TMC4: variants seen among roughly 807,000 people sequenced by gnomAD.
The protein encoded by TMC4 is transmembrane channel like 4, also known as voltage-gated chloride channel TMC4.
TMC4 carries 70 observed loss-of-function variants against 82.0 expected under a neutral mutation model. The ratio of observed to expected loss-of-function variants is 0.85; its 90% CI spans 0.70 to 1.04. The LOEUF (loss-of-function observed/expected upper bound fraction) is 1.04. TMC4 is among the 50% of genes least tolerant of loss of function. The pLI, the probability that TMC4 is intolerant of heterozygous loss-of-function variation, is 0.00. For synonymous variants in TMC4, 446 were observed against 406.0 expected, an observed-to-expected ratio of 1.10 and a Z score of -1.18; for missense variants, 879 against 899.0, an observed-to-expected ratio of 0.98 and a Z score of 0.28.
chr19:54,163,247 C>G, intron 8 of TMC4, 88 bp from the exon 9 acceptor site: 12 of 1,517,536 alleles, frequency 7.9e-6, no homozygotes, highest in Non-Finnish European at 1.1e-5. Flanking sequence ...CGCATTCAAC[C>G]CATCTCACAG....
rs1267043182 is a variant in TMC4, at chr19:54,168,307, C to CA, written c.676-16_676-15insT. On this transcript the variant is annotated splice_polypyrimidine_tract_variant and intron_variant, in intron 4 of 14. Coordinates refer to ENST00000619895, the MANE Select transcript of TMC4 (RefSeq NM_144686.4). ...TCCAGGTAACCCTGTGGGGGGAAGG[C>CA]GGCGCAGGGGCCACTGTGGGAGGAG... The CA allele has an allele frequency of 6.5e-7, 1 of 1,548,990 alleles. No individual in the cohort carries two copies. The highest frequency in any genetic ancestry group is 2.4e-5 in the East Asian group (1 of 40,874).
intron 3 of TMC4, among the ~76,000 whole-genome samples, chr19:54,169,103 G>A (rs926881989): frequency 7.3e-6 from 1 of 136,710 alleles, no homozygotes; most frequent in Non-Finnish European, 1.5e-5. Flanking sequence ...GCGCGATCTC[G>A]GCTCACTGCA....
rs1350222685 is a variant in TMC4 at position 54,173,132 on chromosome 19, C to A, written c.-15G>T. 3.1e-6 allele frequency: 5 copies of A among 1,613,186 alleles called. No individual in the cohort carries two copies. The highest frequency in any genetic ancestry group is 2.7e-5 in the African/African-American group (2 of 74,884). The stretch of plus-strand genomic sequence containing the variant: ...TTTTCTTCCATGGCCCCAGGCTGGG[C>A]TGTCTCTAGTGGCCACCAGGCAGAC... On this transcript the variant is annotated 5_prime_UTR_variant, in exon 1 of 15. Transcript: ENST00000619895.
chr19:54,162,677 T>C lies in TMC4; in HGVS notation c.1498A>G (p.Arg500Gly). Reference sequence around the variant, plus strand: ...AGCAAGGGGCGGGGCTCTCACTTTCTAGGAAACTGGATGAGCAGCGCGACT... The same window carrying C: ...AGCAAGGGGCGGGGCTCTCACTTTCCAGGAAACTGGATGAGCAGCGCGACT... ...LAVALLIQFPRKLLCGLCPGA... is the reference protein window; with the variant it reads ...LAVALLIQFPGKLLCGLCPGA... The change falls in exon 10 of 15, where the codon AGA becomes GGA. Residue 500 changes from arginine to glycine, a missense_variant. Arg to Gly is a moderately radical substitution (Grantham distance 125). Coordinates refer to ENST00000619895, the MANE Select transcript of TMC4 (RefSeq NM_144686.4). 4 of 1,613,582 alleles carry C rather than the reference T, an allele frequency of 2.5e-6. No homozygotes were observed. The highest frequency in any genetic ancestry group is 1.1e-5 in the South Asian group (1 of 91,044).
In TMC4 at chr19:54,163,781, A is replaced by G; in HGVS notation, c.1220T>C (p.Leu407Pro). 6.2e-7 allele frequency: 1 copy of G among 1,613,908 alleles called. No individual in the cohort carries two copies. Among genetic ancestry groups the G allele is most frequent in the Non-Finnish European group, 8.5e-7 (1 of 1,179,994 alleles). ...AGTGTAGCCCTCCAGTGGAGCAATG[A>G]GCTTGAACACGGGCGGCAGCACAAA... ...VNFVLPPVFK[L>P]IAPLEGYTRS... The change falls in exon 8 of 15, where the codon CTC becomes CCC. Residue 407 changes from leucine to proline, a missense_variant. Transcript: ENST00000619895.
In TMC4 at chr19:54,164,572, G is replaced by A; in HGVS notation, c.975C>T (p.Arg325=). The A allele has an allele frequency of 1.2e-6, 2 of 1,613,610 alleles. No homozygotes were observed. The highest frequency in any genetic ancestry group is 2.2e-5 in the South Asian group (2 of 91,078). ...KVELEETVVR[R]QAAVRTLGQQ... ...GGCCCAGCGTCCGCACCGCAGCCTG[G>A]CGCCGCACCACTGTCTCCTCCAGCT... is the stretch of plus-strand genomic sequence containing the variant. The change falls in exon 7 of 15, where the codon CGC becomes CGT. Residue 325 remains arginine (R), a synonymous_variant. Transcript: ENST00000619895.
At position 54,161,189 on chromosome 19, in the gene TMC4, G is replaced by C; in HGVS notation, c.1758C>G (p.Pro586=). The C allele has an allele frequency of 6.3e-7, 1 of 1,594,784 alleles. No homozygotes were observed. Among genetic ancestry groups the C allele is most frequent in the Non-Finnish European group, 8.5e-7 (1 of 1,171,776 alleles). The change falls in exon 12 of 15, where the codon CCC becomes CCG. Residue 586 remains proline (P), a synonymous_variant. Transcript: ENST00000619895. ...FRASAANFFF[P]LVLLLGLAIS... ...TGGCCAGACCCAGGAGAAGGACCAA[G>C]GGGAAAAAGAAATTCGCCGCGGAGG...
At chr19:54,172,427 G>GACCCAGGAGAACAGGCCCCCGGCC (rs2075925171) in intron 1 of TMC4, among the ~76,000 whole-genome samples, 1 of 4,954 alleles carries the variant, frequency 2.0e-4, no homozygotes. Context: ...GGCCCCCGGC[G>GACCCAGGAGAACAGGCCCCCGGCC]CCTCCTCCCT....
At chr19:54,164,822 A>C in intron 6 of TMC4, 1 of 603,996 alleles carries the variant, frequency 1.7e-6, no homozygotes, top group Non-Finnish European at 2.9e-6. Context: ...CCAAGCCCCC[A>C]TCCCTCCGCG....
rs762961525 is a variant in TMC4, at chr19:54,172,095, C to T, written c.80-12G>A. 6.5e-7 allele frequency: 1 copy of T among 1,547,190 alleles called. No homozygotes were observed. Among genetic ancestry groups the T allele is most frequent in the Non-Finnish European group, 8.7e-7 (1 of 1,144,076 alleles). On this transcript the variant is annotated splice_polypyrimidine_tract_variant and intron_variant, in intron 1 of 14. Transcript: ENST00000619895. ...AGACAGCGATGGGCCTGGGGAGGAG[C>T]AGGGGGCTGGGAAGACCCGGGAGTC...
chr19:54,170,118 A>G (rs1168029157), intron 2 of TMC4, among the ~76,000 whole-genome samples: 1 of 152,116 alleles, frequency 6.6e-6, no homozygotes, highest in East Asian at 1.9e-4. Flanking sequence ...AAAGAAAGAA[A>G]AGAAAGAAAC....
chr19:54,162,397 G>C lies in TMC4; in HGVS notation c.1503-112C>G, dbSNP rs1188665700. On this transcript the variant is annotated intron_variant, in intron 10 of 14. Transcript: ENST00000619895. ...AGCATGCGTATTGGTGGTGGGGGGG[G>C]GGGGGGCGGGACTTTCAGGACTCCA... is the stretch of plus-strand genomic sequence containing the variant. The C allele has an allele frequency of 1.1e-5, 9 of 807,834 alleles. 2 individuals carry two copies. Among genetic ancestry groups the C allele is most frequent in the African/African-American group, 5.3e-5 (3 of 56,894 alleles). 50.0% of individuals were successfully genotyped at this position (807,834 alleles called of 1,614,324 possible).
intron 3 of TMC4, among the ~76,000 whole-genome samples, 182 bp from the exon 4 acceptor site, chr19:54,168,862 CTTTTCT>C (rs1253161896): frequency 2.9e-5 from 1 of 34,238 alleles, no homozygotes; most frequent in Non-Finnish European, 5.1e-5. Flanking sequence ...CTTTTCTTTT[CTTTTCT>C]TTTCTTTTCT....
Position 54,164,502 on chromosome 19 carries a change from C to G in TMC4, c.1045G>C (p.Val349Leu). The change falls in exon 7 of 15, where the codon GTG (valine) becomes CTG (leucine). Residue 349 changes from valine (V) to leucine (L), a missense_variant. Val to Leu is a conservative substitution (Grantham distance 32). Coordinates refer to ENST00000619895, the MANE Select transcript of TMC4 (RefSeq NM_144686.4). ...WLVRVLLNLL[V>L]VALLGAAFYG... is the part of the protein sequence containing the mutation. ...AAGGCTGCCCCCAGGAGCGCGACCA[C>G]CAGCAGGTTGAGCAGCACCCGCACC... is the stretch of plus-strand genomic sequence containing the variant. 6.2e-7 allele frequency: 1 copy of G among 1,613,966 alleles called. No individual in the cohort carries two copies. Among genetic ancestry groups the G allele is most frequent in the Non-Finnish European group, 8.5e-7 (1 of 1,180,002 alleles).
In TMC4 at chr19:54,160,267, T is replaced by C. The variant is rs2075504337; in HGVS notation, c.*39A>G. On this transcript the variant is annotated 3_prime_UTR_variant, in exon 15 of 15. Transcript: ENST00000619895. ...CAGATGTTGTGACCTAGGCTTACAATGGGCCTGGGGTCTGAAAGCGGGACG... is the reference window on the plus strand; with the variant it reads ...CAGATGTTGTGACCTAGGCTTACAACGGGCCTGGGGTCTGAAAGCGGGACG... The C allele has an allele frequency of 6.7e-6, 10 of 1,500,926 alleles. 1 individual carries two copies. In the South Asian group the frequency reaches 1.1e-4, roughly 17 times the overall value. The allele number at this position is 1,500,926 out of a possible 1,614,324, so 93.0% of individuals were successfully genotyped here. A position where few individuals can be genotyped will look rare whatever the true frequency, so the allele number is the denominator to read the frequency against.
intron 3 of TMC4, among the ~76,000 whole-genome samples, chr19:54,168,967 C>CCTTCCTTCCT (rs1462850989): frequency 1.2e-4 from 1 of 8,682 alleles, no homozygotes; most frequent in Non-Finnish European, 2.0e-4. Context: ...TTCCTTCCTT[C>CCTTCCTTCCT]TTCTTTCTCT....
chr19:54,161,233 C>A lies in TMC4; in HGVS notation c.1714G>T (p.Ala572Ser), dbSNP rs866490814. Residue 572 changes from alanine to serine, a missense_variant, in exon 12 of 15, where the codon GCT becomes TCT. Coordinates refer to ENST00000619895, the MANE Select transcript of TMC4 (RefSeq NM_144686.4). ...GCGGAGGCCCGGAAGGTGCGGGCAG[C>A]CGGGGAGCAGGTGGAGAAGAGGGTA... ...KLTLFSTCSPAARTFRASAAN... is the reference protein window; with the variant it reads ...KLTLFSTCSPSARTFRASAAN... The A allele has an allele frequency of 1.9e-6, 3 of 1,562,828 alleles. No individual in the cohort carries two copies. Among genetic ancestry groups the A allele is most frequent in the East Asian group, 4.5e-5 (2 of 44,264 alleles).
chr19:54,160,172 G>T lies in TMC4; in HGVS notation c.*134C>A. Reference sequence around the variant, plus strand: ...ACCCGAGAGTCAGGGACGTGGCGGCGAGGGGCCCTGGAAATCTCCAGATAC... The same window carrying T: ...ACCCGAGAGTCAGGGACGTGGCGGCTAGGGGCCCTGGAAATCTCCAGATAC... On this transcript the variant is annotated 3_prime_UTR_variant, in exon 15 of 15. Coordinates refer to ENST00000619895, the MANE Select transcript of TMC4 (RefSeq NM_144686.4). 2 of 977,410 alleles carry T rather than the reference G, an allele frequency of 2.0e-6. No individual in the cohort carries two copies. The highest frequency in any genetic ancestry group is 2.9e-6 in the Non-Finnish European group (2 of 685,432). The allele number at this position is 977,410 out of a possible 1,614,324, so 60.5% of individuals were successfully genotyped here.
chr19:54,164,226 G>A (rs1225687602), intron 7 of TMC4, among the ~76,000 whole-genome samples: 2 of 151,966 alleles, frequency 1.3e-5, no homozygotes, highest in Non-Finnish European at 2.9e-5. Flanking sequence ...GCCCGCCTCA[G>A]CCTCCCAAAG....
Sources: allele counts gnomAD v4.1 joint callset (sites outside exome capture counted in the v4.1 genomes callset), GRCh38; gene constraint gnomAD v4.1.1; transcripts MANE v1.5; gene names NCBI Gene and HGNC (gene_info 2026-07-23, HGNC 2026-07-21).